Variants in ANKS3 observed in about 807,000 individuals in gnomAD.
ANKS3 encodes ankyrin repeat and sterile alpha motif domain containing 3.
ANKS3 carries 62 observed loss-of-function variants against 80.7 expected under a neutral mutation model. The ratio of observed to expected loss-of-function variants is 0.77; its 90% confidence interval spans 0.63 to 0.95. The LOEUF (loss-of-function observed/expected upper bound fraction) is 0.95, where lower values mean the gene tolerates loss of function less well. Among genes scored for constraint, ANKS3 ranks in the 40% least tolerant of loss-of-function variants. The probability of loss-of-function intolerance (pLI) is 0.00; values close to 1 mark genes in which losing one functional copy is unlikely to be tolerated. For synonymous variants in ANKS3, 489 were observed against 355.3 expected, an observed-to-expected ratio of 1.38 and a Z score of -4.23; for missense variants, 1,150 against 883.6, an observed-to-expected ratio of 1.30 and a Z score of -3.82.
chr16:4,710,005 T>C (rs973547712), intron 7 of ANKS3, among the ~76,000 whole-genome samples: 1 of 152,138 alleles, frequency 6.6e-6, no homozygotes, highest in African/African-American at 2.4e-5. Flanking sequence ...AGCGAGAACC[T>C]GTCTCAAAAA....
At chr16:4,724,853 C>CA in intron 5 of ANKS3, 22 bp from the exon 6 acceptor site, 1 of 1,612,388 alleles carries the variant, frequency 6.2e-7, no homozygotes, top group Non-Finnish European at 8.5e-7. Flanking sequence ...GGGCCACAGT[C>CA]AGATGATTGG....
rs1229361560 is a variant in ANKS3, at chr16:4,697,907, G to A, written c.1810+70C>T. On this transcript the variant is annotated intron_variant, in intron 15 of 17. Transcript: ENST00000304283. ...CCGGAGAACCAGGCCAAGCCCACTG[G>A]GTCAAACCTGGCTTCAGGGCTCCCC... is the stretch of plus-strand genomic sequence containing the variant. The A allele has an allele frequency of 2.9e-6, 4 of 1,369,322 alleles. No individual in the cohort carries two copies. The Admixed American group carries it at 1.1e-4, about 39-fold the overall frequency. 84.8% of individuals were successfully genotyped at this position (1,369,322 alleles called of 1,614,324 possible).
At chr16:4,711,718 CAAAAAAA>C (rs34030042) in intron 7 of ANKS3, among the ~76,000 whole-genome samples, 1,808 of 56,810 alleles carry the variant, frequency 0.032, 70 homozygotes, top group Admixed American at 0.2. Flanking sequence ...AACTCTGTCT[CAAAAAAA>C]AAAAAAAAAA....
chr16:4,728,592 G>A (rs1048912833), intron 3 of ANKS3, among the ~76,000 whole-genome samples: 18 of 151,912 alleles, frequency 1.2e-4, no homozygotes, highest in African/African-American at 4.1e-4. Flanking sequence ...ACCACTCCTC[G>A]TTCAGCCCCA....
At chr16:4,699,254 C>G in intron 11 of ANKS3, 78 bp from the exon 12 acceptor site, 1 of 1,540,478 alleles carries the variant, frequency 6.5e-7, no homozygotes, top group East Asian at 2.4e-5. Context: ...CTCGGAGCCC[C>G]ACCACTTCCC....
intron 6 of ANKS3, among the ~76,000 whole-genome samples, chr16:4,715,938 TTAAAA>T (rs1376224711): frequency 6.6e-6 from 1 of 152,002 alleles, no homozygotes; most frequent in African/African-American, 2.4e-5. Context: ...CAGAAGGAAC[TTAAAA>T]TAAGAGATTA....
In ANKS3 at chr16:4,699,178, TG is replaced by T. The variant is rs1261225823; in HGVS notation, c.1285-3del. On this transcript the variant is annotated splice_region_variant and splice_polypyrimidine_tract_variant and intron_variant, in intron 11 of 17. Coordinates refer to ENST00000304283, the MANE Select transcript of ANKS3 (RefSeq NM_133450.4). Reference sequence around the variant, plus strand: ...CTGCTCCAGCAGTGCGGCAAGGTCCTGGCAGGCACAGGGGACAGGTTGGGGG... The same window carrying T: ...CTGCTCCAGCAGTGCGGCAAGGTCCTGCAGGCACAGGGGACAGGTTGGGGG... 6.2e-7 allele frequency: 1 copy of T among 1,613,816 alleles called. No individual in the cohort carries two copies. The highest frequency in any genetic ancestry group is 1.3e-5 in the African/African-American group (1 of 74,930).
intron 2 of ANKS3, among the ~76,000 whole-genome samples, chr16:4,730,729 T>C (rs1399048432): frequency 6.6e-6 from 1 of 151,938 alleles, no homozygotes; most frequent in Non-Finnish European, 1.5e-5. Context: ...TAGCTGGGCA[T>C]GAAGGCCAGC....
chr16:4,710,790 GTTTTA>G (rs1028700580), intron 7 of ANKS3, among the ~76,000 whole-genome samples: 6 of 152,112 alleles, frequency 3.9e-5, no homozygotes. Flanking sequence ...ATTTTATTTT[GTTTTA>G]TTTTATCTAT....
In ANKS3 at chr16:4,729,865, A is replaced by G. The variant is rs2081532742; in HGVS notation, c.170+115T>C. 1.1e-5 allele frequency: 12 copies of G among 1,061,450 alleles called. No individual in the cohort carries two copies. The South Asian group carries it at 4.2e-4, about 37-fold the overall frequency. The allele number at this position is 1,061,450 out of a possible 1,614,324, so 65.8% of individuals were successfully genotyped here. On this transcript the variant is annotated intron_variant, in intron 3 of 17. Coordinates refer to ENST00000304283, the MANE Select transcript of ANKS3 (RefSeq NM_133450.4). ...GACAGCTGCCTGAGATAAGCAGGTT[A>G]ACCTATTCTACACGCATTAAACATC...
At chr16:4,729,941 T>C in intron 3 of ANKS3, 39 bp downstream of exon 3, 2 of 1,444,684 alleles carry the variant, frequency 1.4e-6, no homozygotes, top group South Asian at 1.6e-5. Context: ...ATCACTGCGC[T>C]GCTCAAAATG....
chr16:4,702,243 C>A lies in ANKS3; in HGVS notation c.869-1G>T. 6.4e-7 allele frequency: 1 copy of A among 1,563,952 alleles called. No homozygotes were observed. The highest frequency in any genetic ancestry group is 8.6e-7 in the Non-Finnish European group (1 of 1,156,308). ...ACATAGCCACGGGGAGGAGCCTGCT[C>A]TGTGTACAGAATGGGGCCCATAAGC... On this transcript the variant is annotated splice_acceptor_variant, in intron 8 of 17. Coordinates refer to ENST00000304283, the MANE Select transcript of ANKS3 (RefSeq NM_133450.4). LOFTEE classifies it high-confidence loss of function.
At chr16:4,697,936 C>T in intron 15 of ANKS3, 41 bp downstream of exon 15, 2 of 1,472,426 alleles carry the variant, frequency 1.4e-6, no homozygotes, top group Non-Finnish European at 1.8e-6. Context: ...GCTCCCCCAC[C>T]TTCCCCTCTG....
chr16:4,718,973 T>C (rs558497352), intron 6 of ANKS3, among the ~76,000 whole-genome samples: 8 of 152,336 alleles, frequency 5.3e-5, no homozygotes, highest in African/African-American at 1.4e-4. Flanking sequence ...AACATATGCA[T>C]GTTATACATA....
intron 7 of ANKS3, among the ~76,000 whole-genome samples, chr16:4,709,990 G>A (rs1004266157): frequency 2.6e-5 from 4 of 152,140 alleles, no homozygotes; most frequent in Non-Finnish European, 5.9e-5. Flanking sequence ...CAGCCTGGGT[G>A]ACAAAGCGAG....
At chr16:4,731,083 C>T (rs903323052) in intron 2 of ANKS3, among the ~76,000 whole-genome samples, 16 of 152,062 alleles carry the variant, frequency 1.1e-4, no homozygotes, top group Non-Finnish European at 7.4e-5. Context: ...AAATGATTTA[C>T]GCTAAATGGA....
At chr16:4,709,488 C>T (rs2080374170) in intron 7 of ANKS3, among the ~76,000 whole-genome samples, 1 of 152,036 alleles carries the variant, frequency 6.6e-6, no homozygotes, top group Non-Finnish European at 1.5e-5. Flanking sequence ...GAAAGGAAAT[C>T]AGTATACCAA....
chr16:4,706,131 T>A (rs1253224822), intron 7 of ANKS3, among the ~76,000 whole-genome samples: 1 of 152,094 alleles, frequency 6.6e-6, no homozygotes, highest in Non-Finnish European at 1.5e-5. Flanking sequence ...TGACCTCAGG[T>A]GATCCACCCA....
At chr16:4,729,662 T>A (rs2081524712) in intron 3 of ANKS3, 1 of 175,248 alleles carries the variant, frequency 5.7e-6, no homozygotes, top group South Asian at 2.0e-4. Context: ...CACCAGGCCA[T>A]CACTTTCTGT....
Sources: allele counts gnomAD v4.1 joint callset (sites outside exome capture counted in the v4.1 genomes callset), GRCh38; gene constraint gnomAD v4.1.1; transcripts MANE v1.5; gene names NCBI Gene and HGNC (gene_info 2026-07-23, HGNC 2026-07-21).